The following KIAA1328 variants were observed in gnomAD, a reference collection of about 807,000 sequenced individuals.
KIAA1328 encodes the protein KIAA1328.
A neutral mutation model predicts 68.1 loss-of-function variants in KIAA1328; 52 were observed. The ratio of observed to expected loss-of-function variants is 0.76; its 90% CI spans 0.61 to 0.96. The LOEUF (loss-of-function observed/expected upper bound fraction) is 0.96. KIAA1328 is among the 40% of genes least tolerant of loss of function. The pLI is 0.00. For synonymous variants in KIAA1328, 232 were observed against 239.4 expected (o/e 0.97, Z 0.28); for missense variants, 641 against 677.6 (o/e 0.95, Z 0.60).
intron 6 of KIAA1328, among the ~76,000 whole-genome samples, chr18:36,981,646 G>A (rs2052691087): frequency 6.6e-6 from 1 of 152,226 alleles, no homozygotes; most frequent in South Asian, 2.1e-4. Flanking sequence ...AAGTGCAGTA[G>A]TGTGAACATG....
intron 7 of KIAA1328, among the ~76,000 whole-genome samples, chr18:37,117,041 G>A (rs1312303497): frequency 6.6e-6 from 1 of 152,160 alleles, no homozygotes; most frequent in African/African-American, 2.4e-5. Flanking sequence ...GGAGAAATAG[G>A]AACACTTTTA....
At position 37,073,668 on chromosome 18, in the gene KIAA1328, T is replaced by C. The variant is rs577461741; in HGVS notation, c.1232+6123T>C. Reference sequence around the variant, plus strand: ...CCATTGAGTTTTCAAATTTTACTTATTGTCTTTTTCAGTTGTCTTAAGTAT... The same window carrying C: ...CCATTGAGTTTTCAAATTTTACTTACTGTCTTTTTCAGTTGTCTTAAGTAT... On this transcript the variant is annotated intron_variant, in intron 7 of 9. Coordinates refer to ENST00000280020, the MANE Select transcript of KIAA1328 (RefSeq NM_020776.3). Among the ~76,000 whole-genome samples the C allele has an allele frequency of 4.6e-5, 7 of 152,332 alleles. No homozygotes were observed. In the East Asian group the frequency reaches 7.7e-4, roughly 17 times the overall value.
intron 4 of KIAA1328, among the ~76,000 whole-genome samples, chr18:36,846,770 G>T (rs1029628931): frequency 6.6e-6 from 1 of 151,314 alleles, no homozygotes; most frequent in Non-Finnish European, 1.5e-5. Flanking sequence ...TGGATGGGGG[G>T]TGGTAAAGTA....
At chr18:36,894,535 T>C (rs975184366) in intron 5 of KIAA1328, among the ~76,000 whole-genome samples, 3 of 150,976 alleles carry the variant, frequency 2.0e-5, no homozygotes, top group Non-Finnish European at 4.4e-5. Context: ...CTACTTTTCT[T>C]TTTTTTTTGA....
At chr18:36,911,247 A>G (rs1018473923) in intron 5 of KIAA1328, among the ~76,000 whole-genome samples, 1 of 152,112 alleles carries the variant, frequency 6.6e-6, no homozygotes, top group Non-Finnish European at 1.5e-5. Context: ...AAATTACTAG[A>G]ATCACCTTAC....
intron 6 of KIAA1328, among the ~76,000 whole-genome samples, chr18:36,962,091 A>G (rs1273598390): frequency 1.3e-5 from 2 of 152,224 alleles, no homozygotes; most frequent in Non-Finnish European, 2.9e-5. Flanking sequence ...AGAGACACAC[A>G]TAGGCTCAAA....
chr18:37,014,262 G>A lies in KIAA1328; in HGVS notation c.577-52628G>A, dbSNP rs569503987. On this transcript the variant is annotated intron_variant, in intron 6 of 9. Transcript: ENST00000280020. ...TAGACCTCTGTTGGTTGCATTGCAT[G>A]CAAATATTTTCTTCCATTCTGTAGA... 3.3e-4 allele frequency among the ~76,000 whole-genome samples: 50 copies of A among 152,286 alleles called. No homozygotes were observed. The Middle Eastern group carries it at 0.02, about 62-fold the overall frequency.
chr18:37,216,205 T>C (rs568587914), intron 9 of KIAA1328, among the ~76,000 whole-genome samples: 8 of 152,330 alleles, frequency 5.3e-5, no homozygotes, highest in African/African-American at 1.9e-4. Flanking sequence ...ATTTGTTTGC[T>C]CTTGCTTTTC....
At chr18:37,051,232 C>CA (rs34358140) in intron 6 of KIAA1328, among the ~76,000 whole-genome samples, 2,134 of 146,426 alleles carry the variant, frequency 0.015, 49 homozygotes, top group African/African-American at 0.051. Context: ...AAATTGAGAG[C>CA]AAAAAAAAAA....
At chr18:37,194,395 T>A (rs2059964469) in intron 9 of KIAA1328, among the ~76,000 whole-genome samples, 1 of 152,236 alleles carries the variant, frequency 6.6e-6, no homozygotes, top group African/African-American at 2.4e-5. Flanking sequence ...TATTTTTTTG[T>A]CCACTTTCCA....
rs1599508569 is a variant in KIAA1328, at chr18:37,174,577, T to C, written c.1523+1496T>C. Reference sequence around the variant, plus strand: ...TTTTTTTGGATTTTTATTTTTATTTTTATTTTTATTTTATTTTATTTTATT... The same window carrying C: ...TTTTTTTGGATTTTTATTTTTATTTCTATTTTTATTTTATTTTATTTTATT... On this transcript the variant is annotated intron_variant, in intron 9 of 9. Transcript: ENST00000280020. Among the ~76,000 whole-genome samples, 3 of 148,670 alleles carry C rather than the reference T, an allele frequency of 2.0e-5. No individual in the cohort carries two copies. The South Asian group carries it at 6.3e-4, about 31-fold the overall frequency.
intron 5 of KIAA1328, among the ~76,000 whole-genome samples, chr18:36,950,186 T>C (rs2051102719): frequency 6.6e-6 from 1 of 152,212 alleles, no homozygotes; most frequent in Non-Finnish European, 1.5e-5. Context: ...AGAAAATGAT[T>C]GTAAGGTGAG....
At chr18:36,839,184 T>C (rs779084442) in intron 3 of KIAA1328, among the ~76,000 whole-genome samples, 1 of 152,218 alleles carries the variant, frequency 6.6e-6, no homozygotes, top group Non-Finnish European at 1.5e-5. Context: ...TGACCTTAGT[T>C]GCACAAATAC....
chr18:37,076,063 A>C (rs1457520361), intron 7 of KIAA1328, among the ~76,000 whole-genome samples: 2 of 152,140 alleles, frequency 1.3e-5, no homozygotes, highest in African/African-American at 4.8e-5. Context: ...CCTATTCCAA[A>C]ATTGACCACA....
chr18:36,839,123 A>C (rs1217709110), intron 3 of KIAA1328, among the ~76,000 whole-genome samples: 1 of 152,012 alleles, frequency 6.6e-6, no homozygotes, highest in African/African-American at 2.4e-5. Flanking sequence ...CAAATTGGGA[A>C]ATGTTTCAGC....
intron 7 of KIAA1328, among the ~76,000 whole-genome samples, chr18:37,130,675 G>A (rs1343573452): frequency 6.6e-6 from 1 of 152,112 alleles, no homozygotes; most frequent in East Asian, 1.9e-4. Context: ...CAAGGTTTCT[G>A]AACTGGGAGA....
chr18:36,937,865 G>T (rs1353584397), intron 5 of KIAA1328, among the ~76,000 whole-genome samples: 1 of 151,916 alleles, frequency 6.6e-6, no homozygotes, highest in Non-Finnish European at 1.5e-5. Context: ...GTGCAATATT[G>T]TCTTTCCATT....
chr18:36,899,467 T>G (rs191110508), intron 5 of KIAA1328, among the ~76,000 whole-genome samples: 1 of 152,036 alleles, frequency 6.6e-6, no homozygotes, highest in Admixed American at 6.6e-5. Flanking sequence ...CTGCATAATC[T>G]GACACTCTAC....
intron 7 of KIAA1328, among the ~76,000 whole-genome samples, chr18:37,123,762 G>A (rs2058327185): frequency 6.6e-6 from 1 of 152,134 alleles, no homozygotes; most frequent in Non-Finnish European, 1.5e-5. Context: ...TCTAGAAAGA[G>A]TGGAACAACC....
Sources: allele counts gnomAD v4.1 joint callset (sites outside exome capture counted in the v4.1 genomes callset), GRCh38; gene constraint gnomAD v4.1.1; transcripts MANE v1.5; gene names NCBI Gene and HGNC (gene_info 2026-07-23, HGNC 2026-07-21).